Variants in NTM observed in about 807,000 individuals in gnomAD.
The protein encoded by NTM is IgLON family member 2.
A neutral mutation model predicts 42.1 loss-of-function variants in NTM; 13 were observed. That is an observed-to-expected ratio of 0.31 (90% CI 0.20 to 0.49). The LOEUF is 0.49. Among genes scored for constraint, NTM ranks in the 20% least tolerant of loss-of-function variants. The pLI is 0.99. For synonymous variants in NTM, 187 were observed against 179.2 expected, an observed-to-expected ratio of 1.04 and a Z score of -0.35; for missense variants, 373 against 452.8, an observed-to-expected ratio of 0.82 and a Z score of 1.60.
intron 4 of NTM, among the ~76,000 whole-genome samples, chr11:132,306,061 C>T (rs1245919472): frequency 6.6e-6 from 1 of 152,168 alleles, no homozygotes; most frequent in African/African-American, 2.4e-5. Flanking sequence ...AGATGAGGCC[C>T]CGGTTGGGCC....
chr11:131,497,688 A>G (rs1169455669), intron 1 of NTM, among the ~76,000 whole-genome samples: 1 of 152,198 alleles, frequency 6.6e-6, no homozygotes, highest in Non-Finnish European at 1.5e-5. Context: ...AAGTACCATG[A>G]GTTCTGAGTC....
At chr11:131,565,118 C>T (rs1877844) in intron 1 of NTM, among the ~76,000 whole-genome samples, 5,447 of 152,264 alleles carry the variant, frequency 0.036, 139 homozygotes, top group African/African-American at 0.057. Flanking sequence ...CACCCTGGCG[C>T]GCATGTTGGT....
At chr11:131,862,086 G>A (rs995589003) in intron 1 of NTM, among the ~76,000 whole-genome samples, 4 of 152,178 alleles carry the variant, frequency 2.6e-5, no homozygotes, top group Non-Finnish European at 5.9e-5. Flanking sequence ...AAATCTACAA[G>A]GATCTTTGTG....
intron 4 of NTM, among the ~76,000 whole-genome samples, chr11:132,291,780 T>C (rs924681000): frequency 3.3e-5 from 5 of 152,184 alleles, no homozygotes; most frequent in Non-Finnish European, 7.3e-5. Context: ...GCTATGTATA[T>C]TGCTGCTGAG....
chr11:131,495,859 C>T (rs1955286946), intron 1 of NTM, among the ~76,000 whole-genome samples: 2 of 152,208 alleles, frequency 1.3e-5, no homozygotes, highest in Non-Finnish European at 2.9e-5. Context: ...CACAATGATA[C>T]ATTTGACTTC....
chr11:131,943,717 GTC>G (rs2060050165), intron 2 of NTM, among the ~76,000 whole-genome samples: 3 of 151,308 alleles, frequency 2.0e-5, no homozygotes, highest in Admixed American at 2.0e-4. Flanking sequence ...CCTTTTTTTT[GTC>G]TCTCTCTGTA....
chr11:131,526,806 G>A (rs768733844), intron 1 of NTM, among the ~76,000 whole-genome samples: 9 of 152,212 alleles, frequency 5.9e-5, no homozygotes, highest in Non-Finnish European at 1.3e-4. Context: ...AGGGGCTGGA[G>A]CAGAGGGAAA....
In NTM at chr11:131,374,072, T is replaced by C. The variant is rs150903443; in HGVS notation, c.82+3184T>C. On this transcript the variant is annotated intron_variant, in intron 1 of 8. Coordinates refer to ENST00000683400, the MANE Select transcript of NTM (RefSeq NM_001352005.2). ...CAGACGAGACCATAGCAATATCTAC[T>C]GGCAAAGTGGAAACATCAGCCTGGG... Among the ~76,000 whole-genome samples the C allele has an allele frequency of 2.4e-3, 367 of 152,276 alleles. 4 individuals are homozygous for C. The highest frequency in any genetic ancestry group is 8.3e-3 in the African/African-American group (345 of 41,576).
At chr11:132,039,758 C>T (rs372362378) in intron 2 of NTM, among the ~76,000 whole-genome samples, 4 of 152,214 alleles carry the variant, frequency 2.6e-5, no homozygotes, top group Non-Finnish European at 5.9e-5. Context: ...CAGGAATGTG[C>T]GAGTCAACTC....
chr11:132,020,271 C>T (rs2074131069), intron 2 of NTM, among the ~76,000 whole-genome samples: 1 of 151,980 alleles, frequency 6.6e-6, no homozygotes, highest in South Asian at 2.1e-4. Context: ...GTGTCTTTAC[C>T]ATTGTGAATA....
At chr11:131,581,589 C>T (rs1402065429) in intron 1 of NTM, among the ~76,000 whole-genome samples, 1 of 152,170 alleles carries the variant, frequency 6.6e-6, no homozygotes, top group Admixed American at 6.5e-5. Flanking sequence ...AGAGTTCAGA[C>T]AAGGGGACTT....
At chr11:131,878,616 T>A (rs1432442623) in intron 1 of NTM, among the ~76,000 whole-genome samples, 1,653 of 14,108 alleles carry the variant, frequency 0.12, 447 homozygotes, top group East Asian at 0.48. Flanking sequence ...TATATATATA[T>A]ATATATATAT....
At chr11:132,320,963 G>A (rs1372769225) in intron 7 of NTM, among the ~76,000 whole-genome samples, 4 of 151,038 alleles carry the variant, frequency 2.6e-5, no homozygotes, top group East Asian at 1.9e-4. Context: ...GCAGCTGAGG[G>A]TCCTGTCTGT....
intron 2 of NTM, among the ~76,000 whole-genome samples, chr11:132,037,127 T>A (rs2135727664): frequency 6.6e-6 from 1 of 152,206 alleles, no homozygotes; most frequent in South Asian, 2.1e-4. Flanking sequence ...ATAGAAGGTG[T>A]TTGGACCACC....
intron 1 of NTM, among the ~76,000 whole-genome samples, chr11:131,755,017 A>G (rs1169483155): frequency 6.6e-6 from 1 of 152,178 alleles, no homozygotes; most frequent in African/African-American, 2.4e-5. Flanking sequence ...CAGAAAGCAG[A>G]AATGTGAAGG....
At chr11:131,557,588 AC>A (rs2055616738) in intron 1 of NTM, among the ~76,000 whole-genome samples, 1 of 152,192 alleles carries the variant, frequency 6.6e-6, no homozygotes, top group Non-Finnish European at 1.5e-5. Context: ...CCTGGAAGAC[AC>A]ATTTTTAAAT....
intron 1 of NTM, among the ~76,000 whole-genome samples, chr11:131,474,743 C>G (rs1952760583): frequency 6.6e-6 from 1 of 152,118 alleles, no homozygotes; most frequent in Admixed American, 6.6e-5. Context: ...TGATATCACT[C>G]TCTTAGTTAT....
intron 1 of NTM, among the ~76,000 whole-genome samples, chr11:131,588,451 A>C (rs141044290): frequency 2.0e-5 from 3 of 152,386 alleles, no homozygotes; most frequent in African/African-American, 7.2e-5. Flanking sequence ...AGTTTAAGTC[A>C]GTACTAGTGT....
intron 1 of NTM, among the ~76,000 whole-genome samples, chr11:131,595,049 A>G (rs1204602196): frequency 6.6e-6 from 1 of 152,234 alleles, no homozygotes; most frequent in Admixed American, 6.5e-5. Context: ...TGCTTAGCCC[A>G]GTGTCTAATG....
Sources: gnomAD v4.1 joint callset for allele counts (sites outside exome capture counted in the v4.1 genomes callset) on GRCh38, gnomAD v4.1.1 for gene constraint, MANE v1.5 for transcripts, NCBI Gene and HGNC (gene_info 2026-07-23, HGNC 2026-07-21) for gene names.